The following EPHA3 variants were observed in gnomAD, a reference collection of about 807,000 sequenced individuals.
EPHA3 encodes ephrin type-A receptor 3.
Under a neutral mutation model 107.1 loss-of-function variants are expected in EPHA3, and 42 were observed. That is an observed-to-expected ratio of 0.39 (90% CI 0.31 to 0.51). EPHA3 has a LOEUF of 0.51. Among genes scored for constraint, EPHA3 ranks in the 20% least tolerant of loss-of-function variants. EPHA3 has a pLI of 0.78. For missense variants in EPHA3, 1,183 were observed against 1,211.2 expected (o/e 0.98, Z 0.35); for synonymous variants, 461 against 424.8 (o/e 1.09, Z -1.05).
chr3:89,186,337 T>C (rs1046088255), intron 2 of EPHA3, among the ~76,000 whole-genome samples: 6 of 152,002 alleles, frequency 3.9e-5, no homozygotes, highest in African/African-American at 1.5e-4. Flanking sequence ...TTTATAATGA[T>C]ACAATCTGTA....
chr3:89,175,397 CT>C (rs1210054684), intron 2 of EPHA3, among the ~76,000 whole-genome samples: 3 of 152,058 alleles, frequency 2.0e-5, no homozygotes, highest in Non-Finnish European at 2.9e-5. Flanking sequence ...CTGTAGTTAA[CT>C]TTCAACTATT....
intron 3 of EPHA3, among the ~76,000 whole-genome samples, chr3:89,307,304 A>T (rs1365624361): frequency 2.6e-5 from 4 of 152,208 alleles, no homozygotes; most frequent in Non-Finnish European, 5.9e-5. Context: ...TTTCAAGCGC[A>T]GAGTCTTGGC....
At chr3:89,331,028 T>C (rs1363910616) in intron 3 of EPHA3, among the ~76,000 whole-genome samples, 1 of 152,090 alleles carries the variant, frequency 6.6e-6, no homozygotes, top group African/African-American at 2.4e-5. Context: ...GGTGAGTGGA[T>C]GTTTGTGCAT....
rs761847794 is a variant in EPHA3 at position 89,208,477 on chromosome 3, A to AGAAAGAAAGAAAGAAG, written c.154-1377_154-1376insAAGAAAGAAGGAAAGA. ...AAGAAAGAAAGAAAGAAAGAAAGAA[A>AGAAAGAAAGAAAGAAG]GAAAGAGAAAAAGAAAGGAGGGAGG... On this transcript the variant is annotated intron_variant, in intron 2 of 16. Coordinates refer to ENST00000336596, the MANE Select transcript of EPHA3 (RefSeq NM_005233.6). Among the ~76,000 whole-genome samples the AGAAAGAAAGAAAGAAG allele has an allele frequency of 4.5e-3, 602 of 133,290 alleles. 10 individuals are homozygous for AGAAAGAAAGAAAGAAG. The highest frequency in any genetic ancestry group is 7.6e-3 in the Middle Eastern group (2 of 264). The allele number at this position is 133,290 out of a possible 152,430, so 87.4% of individuals were successfully genotyped here.
chr3:89,367,708 G>A (rs1226584874), intron 5 of EPHA3, among the ~76,000 whole-genome samples: 1 of 150,474 alleles, frequency 6.6e-6, no homozygotes, highest in East Asian at 1.9e-4. Flanking sequence ...TATTCTCCAG[G>A]ATATTTTGAA....
intron 1 of EPHA3, among the ~76,000 whole-genome samples, chr3:89,122,390 T>C (rs1168788048): frequency 6.6e-6 from 1 of 152,230 alleles, no homozygotes; most frequent in Non-Finnish European, 1.5e-5. Context: ...CATTATTATA[T>C]GAGTTTGAAA....
At chr3:89,387,360 T>A (rs1708642582) in intron 5 of EPHA3, among the ~76,000 whole-genome samples, 1 of 152,166 alleles carries the variant, frequency 6.6e-6, no homozygotes, top group Non-Finnish European at 1.5e-5. Flanking sequence ...TTGTAAGGGC[T>A]TCCCTGCCAC....
intron 3 of EPHA3, among the ~76,000 whole-genome samples, chr3:89,311,593 C>A (rs892593250): frequency 6.6e-6 from 1 of 152,020 alleles, no homozygotes; most frequent in Non-Finnish European, 1.5e-5. Context: ...GTTTAACATT[C>A]TCTCCAGTGC....
chr3:89,134,537 G>A (rs569162451), intron 2 of EPHA3, among the ~76,000 whole-genome samples: 138 of 152,266 alleles, frequency 9.1e-4, no homozygotes, highest in Non-Finnish European at 1.3e-3. Flanking sequence ...TCCCTACAAA[G>A]GACATGAACT....
chr3:89,431,320 T>G lies in EPHA3; in HGVS notation c.2307T>G (p.Arg769=), dbSNP rs1182053604. ...VCKVSDFGLS[R]VLEDDPEAAY... is the part of the protein sequence containing the mutation. The stretch of plus-strand genomic sequence containing the variant: ...AGGTTTCTGATTTCGGACTTTCGCG[T>G]GTCCTGGAGGATGACCCAGAAGCTG... Residue 769 remains arginine, a synonymous_variant, in exon 13 of 17, where the codon CGT becomes CGG. Coordinates refer to ENST00000336596, the MANE Select transcript of EPHA3 (RefSeq NM_005233.6). The G allele has an allele frequency of 6.2e-7, 1 of 1,613,680 alleles. No individual in the cohort carries two copies. The highest frequency in any genetic ancestry group is 8.5e-7 in the Non-Finnish European group (1 of 1,179,928).
intron 2 of EPHA3, among the ~76,000 whole-genome samples, chr3:89,173,042 G>A (rs1705242430): frequency 2.6e-5 from 4 of 152,112 alleles, no homozygotes; most frequent in East Asian, 3.9e-4. Context: ...ACAGTATTCA[G>A]AATCTGTAAA....
rs117544786 is a variant in EPHA3, at chr3:89,378,978, C to T, written c.1307-16859C>T. Among the ~76,000 whole-genome samples the T allele has an allele frequency of 4.7e-4, 72 of 152,208 alleles. No homozygotes were observed. The East Asian group carries it at 0.012, about 26-fold the overall frequency. On this transcript the variant is annotated intron_variant, in intron 5 of 16. Coordinates refer to ENST00000336596, the MANE Select transcript of EPHA3 (RefSeq NM_005233.6). ...TGGATGGACTTAAGAAATAGAATCGCTCCAAAATTTATGGCTAGCTGAAAA... is the reference window on the plus strand; with the variant it reads ...TGGATGGACTTAAGAAATAGAATCGTTCCAAAATTTATGGCTAGCTGAAAA...
chr3:89,455,037 T>C (rs376567155), intron 15 of EPHA3, among the ~76,000 whole-genome samples: 3 of 152,166 alleles, frequency 2.0e-5, no homozygotes, highest in South Asian at 4.1e-4. Flanking sequence ...TTTTGAAAAG[T>C]CTTGCTTCTC....
At chr3:89,116,176 A>G (rs1707248862) in intron 1 of EPHA3, among the ~76,000 whole-genome samples, 1 of 152,154 alleles carries the variant, frequency 6.6e-6, no homozygotes, top group Non-Finnish European at 1.5e-5. Flanking sequence ...TCCTTTCCTG[A>G]CACTCAAACA....
intron 7 of EPHA3, among the ~76,000 whole-genome samples, chr3:89,400,759 C>A (rs1478448252): frequency 2.0e-5 from 3 of 152,072 alleles, no homozygotes; most frequent in African/African-American, 7.2e-5. Context: ...ATCTTTCTTA[C>A]AGGGCACAAA....
chr3:89,222,791 T>C (rs1286617723), intron 3 of EPHA3, among the ~76,000 whole-genome samples: 2 of 152,138 alleles, frequency 1.3e-5, no homozygotes, highest in South Asian at 2.1e-4. Context: ...ATAAATATAA[T>C]ATGTATAACT....
intron 2 of EPHA3, among the ~76,000 whole-genome samples, chr3:89,186,071 A>G (rs1300570548): frequency 1.5e-5 from 2 of 137,410 alleles, no homozygotes; most frequent in African/African-American, 5.5e-5. Flanking sequence ...TGTCTCTCCT[A>G]TTCATTCTTT....
At chr3:89,432,282 A>G (rs1709584022) in intron 13 of EPHA3, among the ~76,000 whole-genome samples, 1 of 152,206 alleles carries the variant, frequency 6.6e-6, no homozygotes, top group African/African-American at 2.4e-5. Flanking sequence ...TTTTACTATT[A>G]TCAGTTAGGA....
intron 2 of EPHA3, among the ~76,000 whole-genome samples, chr3:89,193,867 T>C (rs1397822484): frequency 6.6e-6 from 1 of 152,026 alleles, no homozygotes; most frequent in African/African-American, 2.4e-5. Flanking sequence ...TATTGAACCA[T>C]TTTTCTGAGC....
Sources: gnomAD v4.1 joint callset for allele counts (sites outside exome capture counted in the v4.1 genomes callset) on GRCh38, gnomAD v4.1.1 for gene constraint, MANE v1.5 for transcripts, NCBI Gene and HGNC (gene_info 2026-07-23, HGNC 2026-07-21) for gene names.